SYNJ2: variants seen among roughly 807,000 people sequenced by gnomAD.
SYNJ2 encodes synaptojanin 2.
A neutral mutation model predicts 141.3 loss-of-function variants in SYNJ2; 116 were observed. The observed-to-expected ratio is 0.82, with a 90% CI of 0.71 to 0.96. SYNJ2 has a LOEUF of 0.96. SYNJ2 is among the 40% of genes least tolerant of loss of function. The pLI is 0.00. For missense variants in SYNJ2, 1,873 were observed against 1,934.8 expected, an observed-to-expected ratio of 0.97 and a Z score of 0.60; for synonymous variants, 745 against 777.7, an observed-to-expected ratio of 0.96 and a Z score of 0.70.
chr6:158,017,817 C>A (rs769281036), intron 2 of SYNJ2: 8 of 529,178 alleles, frequency 1.5e-5, no homozygotes, highest in Non-Finnish European at 3.1e-5. Context: ...CTGGTTGTCA[C>A]CTGCCTGTGC....
At chr6:158,045,076 T>G (rs1302340950) in intron 5 of SYNJ2, among the ~76,000 whole-genome samples, 1 of 151,332 alleles carries the variant, frequency 6.6e-6, no homozygotes, top group Non-Finnish European at 1.5e-5. Context: ...TTCCACCCTC[T>G]GACTCTCAGT....
At chr6:158,076,838 G>A in intron 17 of SYNJ2, 56 bp downstream of exon 17, 2 of 1,549,734 alleles carry the variant, frequency 1.3e-6, no homozygotes, top group East Asian at 2.3e-5. Context: ...AAATGCGACG[G>A]AGGGAGAGTC....
At chr6:157,986,337 G>T (rs571281358) in intron 1 of SYNJ2, among the ~76,000 whole-genome samples, 19 of 152,076 alleles carry the variant, frequency 1.2e-4, no homozygotes, top group African/African-American at 3.9e-4. Flanking sequence ...TGCTTCTCCC[G>T]CGGGTTTTGT....
At position 158,081,166 on chromosome 6, in the gene SYNJ2, G is replaced by T; in HGVS notation, c.2625G>T (p.Glu875Asp). The change falls in exon 19 of 27, where the codon GAG (glutamate) becomes GAT (aspartate). Residue 875 changes from glutamate (E) to aspartate (D), a missense_variant. Transcript: ENST00000355585. ...EVQEVDVGAR[E>D]RVFQEVSSFQ... ...AGGAAGTCGATGTGGGTGCTCGGGAGAGGGTTTTCCAGGAAGTGTCCTCCT... is the reference window on the plus strand; with the variant it reads ...AGGAAGTCGATGTGGGTGCTCGGGATAGGGTTTTCCAGGAAGTGTCCTCCT... The T allele has an allele frequency of 6.2e-7, 1 of 1,614,092 alleles. No individual in the cohort carries two copies. The highest frequency in any genetic ancestry group is 8.5e-7 in the Non-Finnish European group (1 of 1,179,970).
chr6:158,076,686 G>T lies in SYNJ2; in HGVS notation c.2353G>T (p.Gly785Cys). Residue 785 changes from glycine (G) to cysteine (C), a missense_variant, in exon 17 of 27, where the codon GGC (glycine) becomes TGC (cysteine). Physicochemically the swap from Gly to Cys is radical, Grantham distance 159 (BLOSUM62 -3). Coordinates refer to ENST00000355585, the MANE Select transcript of SYNJ2 (RefSeq NM_003898.4). ...TGGACCCACCTACAAGTATGACGTT[G>T]GCTCAGCCGCCTACGATACAAGCGA... ...NFGPTYKYDV[G>C]SAAYDTSDKC... is the part of the protein sequence containing the mutation. The T allele has an allele frequency of 6.2e-7, 1 of 1,614,160 alleles. No homozygotes were observed. Among genetic ancestry groups the T allele is most frequent in the Non-Finnish European group, 8.5e-7 (1 of 1,180,008 alleles).
At chr6:157,993,937 C>T (rs1039961702) in intron 1 of SYNJ2, among the ~76,000 whole-genome samples, 4 of 150,382 alleles carry the variant, frequency 2.7e-5, no homozygotes, top group Non-Finnish European at 4.4e-5. Flanking sequence ...GCCTCAGCCT[C>T]CCGAGTAGCT....
intron 1 of SYNJ2, among the ~76,000 whole-genome samples, chr6:158,005,265 G>C (rs951260108): frequency 6.6e-6 from 1 of 152,064 alleles, no homozygotes; most frequent in Non-Finnish European, 1.5e-5. Flanking sequence ...TTTTAATAGA[G>C]ATGGGGTTTC....
chr6:158,063,770 T>G (rs1170996583), intron 8 of SYNJ2, 21 bp from the exon 9 acceptor site: 1 of 1,607,598 alleles, frequency 6.2e-7, no homozygotes, highest in African/African-American at 1.3e-5. Flanking sequence ...TATAACCGTT[T>G]ACATTTCTTC....
chr6:158,091,707 G>A (rs995837942), intron 25 of SYNJ2, among the ~76,000 whole-genome samples: 9 of 144,332 alleles, frequency 6.2e-5, no homozygotes, highest in Non-Finnish European at 9.1e-5. Context: ...CCAAGATAAC[G>A]CCACTGCACT....
chr6:158,028,339 G>A (rs900344200), intron 2 of SYNJ2: 1 of 198,446 alleles, frequency 5.0e-6, no homozygotes, highest in Admixed American at 5.3e-5. Flanking sequence ...AGTGGCTGAG[G>A]AGGCACTGGG....
In SYNJ2 at chr6:158,081,551, A is replaced by G. The variant is rs2128388741; in HGVS notation, c.2865+41A>G. 5.2e-6 allele frequency: 8 copies of G among 1,551,260 alleles called. 1 individual carries two copies. On this transcript the variant is annotated intron_variant, in intron 20 of 26. Transcript: ENST00000355585. ...CCACACTGTGGAGTGGGGTCTGATCAATCCCTCTTTTTATGTGGGCATGTC... is the reference window on the plus strand; with the variant it reads ...CCACACTGTGGAGTGGGGTCTGATCGATCCCTCTTTTTATGTGGGCATGTC...
chr6:158,047,037 A>G (rs896748433), intron 5 of SYNJ2, among the ~76,000 whole-genome samples: 1 of 152,146 alleles, frequency 6.6e-6, no homozygotes, highest in Admixed American at 6.5e-5. Context: ...TCCTGCCAGA[A>G]ACCATTCGCC....
chr6:158,000,120 C>T (rs1777788432), intron 1 of SYNJ2, among the ~76,000 whole-genome samples: 4 of 108,904 alleles, frequency 3.7e-5, no homozygotes, highest in African/African-American at 3.6e-5. Context: ...GGAGCTAATT[C>T]TAGGTACAGA....
intron 1 of SYNJ2, among the ~76,000 whole-genome samples, chr6:157,984,776 C>T (rs931656109): frequency 6.6e-6 from 1 of 152,218 alleles, no homozygotes; most frequent in African/African-American, 2.4e-5. Context: ...TGGCAGCTGG[C>T]GTAGCTGGTG....
In SYNJ2 at chr6:158,068,726, C is replaced by T. The variant is rs1287775322; in HGVS notation, c.1797C>T (p.Ala599=). The T allele has an allele frequency of 5.0e-6, 8 of 1,613,908 alleles. No individual in the cohort carries two copies. The East Asian group carries it at 1.8e-4, about 36-fold the overall frequency. The change falls in exon 13 of 27, where the codon GCC becomes GCT. Residue 599 remains alanine (A), a splice_region_variant and synonymous_variant. Coordinates refer to ENST00000355585, the MANE Select transcript of SYNJ2 (RefSeq NM_003898.4). ...TGAGCGCAGGGAATATTGTCAATGCCAGGTAAGGGGCCAGGTGTGCGGGGC... is the reference window on the plus strand; with the variant it reads ...TGAGCGCAGGGAATATTGTCAATGCTAGGTAAGGGGCCAGGTGTGCGGGGC... ...VELSAGNIVN[A]STTNKKMWGE...
rs745847436 is a variant in SYNJ2 at position 158,033,470 on chromosome 6, C to T, written c.501C>T (p.His167=). 1.5e-5 allele frequency: 24 copies of T among 1,613,960 alleles called. No individual in the cohort carries two copies. Among genetic ancestry groups the T allele is most frequent in the East Asian group, 6.7e-5 (3 of 44,896 alleles). ...GNSFFWNQLL[H]VPLRQHQVSC... The stretch of plus-strand genomic sequence containing the variant: ...TGTTTTGCAGGAACCAGCTGTTGCA[C>T]GTGCCCTTGAGGCAGCACCAGGTGA... The change falls in exon 4 of 27, where the codon CAC becomes CAT. Residue 167 remains histidine, a synonymous_variant. Transcript: ENST00000355585.
At chr6:158,045,390 G>C (rs567441378) in intron 5 of SYNJ2, among the ~76,000 whole-genome samples, 56 of 152,042 alleles carry the variant, frequency 3.7e-4, no homozygotes, top group Admixed American at 1.6e-3. Context: ...GATTACAGGC[G>C]TGAGCCACCG....
intron 22 of SYNJ2, among the ~76,000 whole-genome samples, chr6:158,085,212 G>T (rs1437963949): frequency 6.6e-6 from 1 of 151,822 alleles, no homozygotes. Flanking sequence ...GTAGAGACGG[G>T]GTCTCACTAT....
chr6:158,035,184 G>A (rs1779575131), intron 4 of SYNJ2, among the ~76,000 whole-genome samples: 1 of 152,108 alleles, frequency 6.6e-6, no homozygotes, highest in Non-Finnish European at 1.5e-5. Context: ...GGTTCCATAT[G>A]AATTTTAAAA....
Sources: allele counts gnomAD v4.1 joint callset (sites outside exome capture counted in the v4.1 genomes callset), GRCh38; gene constraint gnomAD v4.1.1; transcripts MANE v1.5; gene names NCBI Gene and HGNC (gene_info 2026-07-23, HGNC 2026-07-21).